Variants in PI4KB observed in about 807,000 individuals in gnomAD.
PI4KB encodes the protein PtdIns 4-kinase beta.
Under a neutral mutation model 81.4 loss-of-function variants are expected in PI4KB, and 23 were observed. That is an observed-to-expected ratio of 0.28 (90% CI 0.20 to 0.40). The LOEUF (loss-of-function observed/expected upper bound fraction) is 0.40, where lower values mean the gene tolerates loss of function less well. Among genes scored for constraint, PI4KB ranks in the 10% least tolerant of loss-of-function variants. The pLI, the probability that PI4KB is intolerant of heterozygous loss-of-function variation, is 1.00. For missense variants in PI4KB, 651 were observed against 1,036.6 expected, an observed-to-expected ratio of 0.63 and a Z score of 5.11; for synonymous variants, 381 against 406.8, an observed-to-expected ratio of 0.94 and a Z score of 0.76.
intron 9 of PI4KB, among the ~76,000 whole-genome samples, chr1:151,297,574 G>A (rs2101916226): frequency 1.4e-5 from 2 of 144,830 alleles, no homozygotes; most frequent in East Asian, 4.0e-4. Flanking sequence ...TTTCACCCTT[G>A]TCGTCCAGTC....
chr1:151,326,274 C>G, intron 1 of PI4KB: 2 of 1,307,464 alleles, frequency 1.5e-6, no homozygotes, highest in Non-Finnish European at 2.1e-6. Flanking sequence ...AAACTTGCTC[C>G]GGCCTTCAGA....
At chr1:151,294,643 G>A (rs951002388) in intron 9 of PI4KB, 102 bp from the exon 10 acceptor site, 1 of 1,101,698 alleles carries the variant, frequency 9.1e-7, no homozygotes, top group Non-Finnish European at 1.4e-6. Flanking sequence ...AGGGAGGGGG[G>A]TCCCCTGCCA....
chr1:151,304,742 G>A (rs1050265010), intron 5 of PI4KB, among the ~76,000 whole-genome samples: 3 of 151,550 alleles, frequency 2.0e-5, no homozygotes, highest in Admixed American at 6.6e-5. Flanking sequence ...TGCAGCCTCC[G>A]CCTCCCAGGT....
intron 1 of PI4KB, among the ~76,000 whole-genome samples, chr1:151,318,272 C>G (rs1022006621): frequency 1.7e-4 from 26 of 151,792 alleles, no homozygotes; most frequent in Non-Finnish European, 3.1e-4. Context: ...CAAAAATTAG[C>G]CAGGCGTGGT....
chr1:151,302,093 C>T, intron 7 of PI4KB, 101 bp downstream of exon 7: 1 of 1,572,324 alleles, frequency 6.4e-7, no homozygotes, highest in Non-Finnish European at 8.7e-7. Flanking sequence ...GGAAGCCTGA[C>T]AGATTTTTTT....
chr1:151,321,423 T>G (rs150275882), intron 1 of PI4KB, among the ~76,000 whole-genome samples: 2,185 of 152,110 alleles, frequency 0.014, 22 homozygotes, highest in Non-Finnish European at 0.02. Context: ...TCTGTTGCCC[T>G]GGCTGGAGTG....
intron 9 of PI4KB, among the ~76,000 whole-genome samples, chr1:151,295,342 G>A (rs190783542): frequency 2.2e-4 from 33 of 152,360 alleles, no homozygotes; most frequent in Non-Finnish European, 1.5e-5. Context: ...TTGGCCAAAA[G>A]AGGAGGGACA....
Position 151,316,134 on chromosome 1 carries a change from T to C in PI4KB, c.348A>G (p.Ala116=). The C allele has an allele frequency of 6.2e-7, 1 of 1,614,090 alleles. No homozygotes were observed. Among genetic ancestry groups the C allele is most frequent in the Non-Finnish European group, 8.5e-7 (1 of 1,180,002 alleles). Residue 116 remains alanine, a synonymous_variant, in exon 2 of 12, where the codon GCA becomes GCG. Transcript: ENST00000368873. The part of the protein sequence containing the change: ...AAVASGTAKG[A]RRRRQNNSAK... Reference sequence around the variant, plus strand: ...CTGAGTTGTTCTGCCGCCGTCTTCTTGCTCCTTTGGCTGTGCCTGAGGCCA... The same window carrying C: ...CTGAGTTGTTCTGCCGCCGTCTTCTCGCTCCTTTGGCTGTGCCTGAGGCCA...
At chr1:151,297,217 G>A (rs1694876351) in intron 9 of PI4KB, among the ~76,000 whole-genome samples, 1 of 152,118 alleles carries the variant, frequency 6.6e-6, no homozygotes, top group South Asian at 2.1e-4. Context: ...AAGTAGCTGG[G>A]ACCACAGCTG....
rs1694575803 is a variant in PI4KB, at chr1:151,294,027, T to A, written c.2260A>T (p.Met754Leu). 6.2e-7 allele frequency: 1 copy of A among 1,614,092 alleles called. No individual in the cohort carries two copies. The highest frequency in any genetic ancestry group is 8.5e-7 in the Non-Finnish European group (1 of 1,179,982). The change falls in exon 11 of 12, where the codon ATG becomes TTG. Residue 754 changes from methionine to leucine, a missense_variant. By Grantham distance (15) the Met-to-Leu change is conservative. This residue lies in a region of PI4KB where 70 missense variants were observed against 108.1 expected (regional missense o/e 0.65). Transcript: ENST00000368873. The stretch of plus-strand genomic sequence containing the variant: ...CTCACCCCAGCCCCACCTTGCTGCA[T>A]GATCTCCACGATCTGCACCACCTTG... ...MDKVVQIVEI[M>L]QQGSQLPCFH...
chr1:151,316,417 G>A lies in PI4KB; in HGVS notation c.65C>T (p.Pro22Leu), dbSNP rs546072252. Residue 22 changes from proline (P) to leucine (L), a missense_variant, in exon 2 of 12, where the codon CCA (proline) becomes CTA (leucine). This residue lies in a region of PI4KB where 314 missense variants were observed against 397.8 expected (regional missense o/e 0.79). Coordinates refer to ENST00000368873, the MANE Select transcript of PI4KB (RefSeq NM_001369623.2). The part of the protein sequence containing the change: ...KPTSEPTSGP[P>L]GNNGGSLLSV... ...TAGCAGGGACCCCCCATTATTCCCTGGTGGGCCAGAAGTGGGCTCAGAAGT... is the reference window on the plus strand; with the variant it reads ...TAGCAGGGACCCCCCATTATTCCCTAGTGGGCCAGAAGTGGGCTCAGAAGT... The A allele has an allele frequency of 2.5e-6, 4 of 1,588,812 alleles. No individual in the cohort carries two copies. The highest frequency in any genetic ancestry group is 4.5e-5 in the East Asian group (2 of 44,720).
At chr1:151,299,119 CTAGAGAAG>C in intron 8 of PI4KB, 46 bp from the exon 9 acceptor site, 4 of 1,567,344 alleles carry the variant, frequency 2.6e-6, no homozygotes, top group Non-Finnish European at 3.5e-6. Context: ...TTTCTCCAAA[CTAGAGAAG>C]AAGGCTAAAA....
At chr1:151,324,915 A>G in intron 1 of PI4KB, 3 of 984,372 alleles carry the variant, frequency 3.0e-6, no homozygotes, top group Non-Finnish European at 3.6e-6. Flanking sequence ...CGTGGACTCA[A>G]CTCTAAGAAG....
intron 3 of PI4KB, among the ~76,000 whole-genome samples, chr1:151,309,860 G>A (rs1327415700): frequency 5.9e-5 from 9 of 152,200 alleles, no homozygotes; most frequent in Admixed American, 5.9e-4. Flanking sequence ...ACAGGATCCT[G>A]GGGGTTTCTG....
chr1:151,315,827 A>T lies in PI4KB; in HGVS notation c.655T>A (p.Tyr219Asn). Residue 219 changes from tyrosine to asparagine, a missense_variant, in exon 2 of 12, where the codon TAT becomes AAT. By Grantham distance (143) the Tyr-to-Asn change is moderately radical. Around this residue, in one of 5 missense-constraint regions of PI4KB, gnomAD observed 314 missense variants for 397.8 expected, o/e 0.79. Coordinates refer to ENST00000368873, the MANE Select transcript of PI4KB (RefSeq NM_001369623.2). The stretch of plus-strand genomic sequence containing the variant: ...GTGGAAATGTGCATGTCTGAAGAAT[A>T]GGCCCCAAGCAACAGGGCACACTGG... ...SLQCALLLGA[Y>N]SSDMHISTQR... The T allele has an allele frequency of 6.2e-7, 1 of 1,613,526 alleles. No individual in the cohort carries two copies. The highest frequency in any genetic ancestry group is 8.5e-7 in the Non-Finnish European group (1 of 1,179,700).
At chr1:151,306,850 G>T (rs587635129) in intron 4 of PI4KB, among the ~76,000 whole-genome samples, 1 of 152,332 alleles carries the variant, frequency 6.6e-6, no homozygotes, top group South Asian at 2.1e-4. Flanking sequence ...GCCGAGGCGG[G>T]TGGATCATGA....
At chr1:151,313,630 G>A (rs1294650782) in intron 2 of PI4KB, among the ~76,000 whole-genome samples, 1 of 152,216 alleles carries the variant, frequency 6.6e-6, no homozygotes, top group Non-Finnish European at 1.5e-5. Context: ...GAATCTGGAT[G>A]ACTCTTCTTG....
chr1:151,320,914 G>T (rs976056183), intron 1 of PI4KB, among the ~76,000 whole-genome samples: 2 of 152,210 alleles, frequency 1.3e-5, no homozygotes, highest in African/African-American at 4.8e-5. Flanking sequence ...AAACTTTCAA[G>T]GGAAATACAG....
intron 9 of PI4KB, among the ~76,000 whole-genome samples, chr1:151,295,724 G>C (rs1047789129): frequency 6.6e-6 from 1 of 152,036 alleles, no homozygotes; most frequent in African/African-American, 2.4e-5. Context: ...TACTATGAAC[G>C]GCTTATCAGC....
Sources: gnomAD v4.1 joint callset for allele counts (sites outside exome capture counted in the v4.1 genomes callset) on GRCh38, gnomAD v4.1.1 for gene constraint, gnomAD v4.1.1 regional missense constraint, MANE v1.5 for transcripts, NCBI Gene and HGNC (gene_info 2026-07-23, HGNC 2026-07-21) for gene names.